THSD7B: variants seen among roughly 807,000 people sequenced by gnomAD.
THSD7B encodes thrombospondin type 1 domain containing 7B.
Under a neutral mutation model 213.6 loss-of-function variants are expected in THSD7B, and 138 were observed. The observed-to-expected ratio is 0.65, with a 90% CI of 0.56 to 0.74. The LOEUF is 0.74. Among genes scored for constraint, THSD7B ranks in the 30% least tolerant of loss-of-function variants. The probability of loss-of-function intolerance (pLI) is 0.00; values close to 1 mark genes in which losing one functional copy is unlikely to be tolerated. For missense variants in THSD7B, 1,931 were observed against 1,991.5 expected (o/e 0.97, Z 0.58); for synonymous variants, 742 against 687.0 (o/e 1.08, Z -1.25).
chr2:137,154,647 G>A (rs1363263695), intron 5 of THSD7B, among the ~76,000 whole-genome samples: 5 of 151,620 alleles, frequency 3.3e-5, no homozygotes, highest in Non-Finnish European at 5.9e-5. Context: ...CTTATTTCTC[G>A]GTTAATTCAA....
chr2:137,297,217 G>A (rs894503795), intron 12 of THSD7B, among the ~76,000 whole-genome samples: 33 of 148,744 alleles, frequency 2.2e-4, no homozygotes, highest in Admixed American at 1.8e-3. Flanking sequence ...TGAAGAGTTC[G>A]AGGCTTCACT....
chr2:137,494,273 CA>C (rs1208982945), intron 15 of THSD7B, among the ~76,000 whole-genome samples: 1 of 152,056 alleles, frequency 6.6e-6, no homozygotes, highest in Non-Finnish European at 1.5e-5. Flanking sequence ...TTAACATCTT[CA>C]TTTTTATAAA....
At chr2:137,220,949 T>TTA (rs1179516182) in intron 7 of THSD7B, among the ~76,000 whole-genome samples, 1 of 152,126 alleles carries the variant, frequency 6.6e-6, no homozygotes, top group East Asian at 1.9e-4. Context: ...GCATCATTTT[T>TTA]TATATATATG....
chr2:137,249,773 A>G lies in THSD7B; in HGVS notation c.2266+7201A>G, dbSNP rs973510424. ...CTGGCTCTAGGGCTTATCTGTTTTT[A>G]TCCCACGACAACGAGCTACTTGCTA... On this transcript the variant is annotated intron_variant, in intron 10 of 27. Transcript: ENST00000409968. Among the ~76,000 whole-genome samples, 12 of 152,310 alleles carry G rather than the reference A, an allele frequency of 7.9e-5. No individual in the cohort carries two copies. The South Asian group carries it at 1.9e-3, about 24-fold the overall frequency.
At chr2:137,587,171 T>C (rs550674811) in intron 17 of THSD7B, among the ~76,000 whole-genome samples, 2 of 152,336 alleles carry the variant, frequency 1.3e-5, no homozygotes, top group African/African-American at 4.8e-5. Context: ...TCTCGTGCCA[T>C]GGTTTTCACC....
At chr2:137,359,654 A>T (rs1410818974) in intron 12 of THSD7B, among the ~76,000 whole-genome samples, 3 of 152,150 alleles carry the variant, frequency 2.0e-5, no homozygotes, top group African/African-American at 4.8e-5. Flanking sequence ...ATGATAGGCT[A>T]CTGTAACCTT....
At chr2:136,855,440 T>A (rs1361858366) in intron 1 of THSD7B, among the ~76,000 whole-genome samples, 1 of 152,018 alleles carries the variant, frequency 6.6e-6, no homozygotes, top group African/African-American at 2.4e-5. Flanking sequence ...TCTCTCTTTT[T>A]TTTGAGACAG....
At chr2:137,310,776 G>A (rs1029521567) in intron 12 of THSD7B, among the ~76,000 whole-genome samples, 2 of 151,840 alleles carry the variant, frequency 1.3e-5, no homozygotes, top group African/African-American at 4.8e-5. Flanking sequence ...TTTCCCCATT[G>A]CTTGTTTTTC....
intron 12 of THSD7B, among the ~76,000 whole-genome samples, chr2:137,319,651 CAACTT>C (rs1684220409): frequency 1.3e-5 from 2 of 152,188 alleles, no homozygotes; most frequent in South Asian, 4.1e-4. Context: ...AAGCTCTACT[CAACTT>C]ATCAGTTCAG....
chr2:136,798,685 C>T (rs1398965854), intron 1 of THSD7B, among the ~76,000 whole-genome samples: 4 of 151,938 alleles, frequency 2.6e-5, no homozygotes, highest in African/African-American at 9.7e-5. Context: ...TCCAAACTGG[C>T]CAGTAAACAT....
chr2:137,608,555 C>T (rs1330768991), intron 17 of THSD7B, among the ~76,000 whole-genome samples: 1 of 152,164 alleles, frequency 6.6e-6, no homozygotes, highest in Non-Finnish European at 1.5e-5. Context: ...ATTAAAAGTA[C>T]ACCTAGCTCG....
chr2:137,067,049 G>A (rs756715409), intron 3 of THSD7B, among the ~76,000 whole-genome samples: 4 of 151,856 alleles, frequency 2.6e-5, no homozygotes, highest in Non-Finnish European at 1.5e-5. Context: ...TCTTTGTTAG[G>A]GTTTCCATCT....
intron 1 of THSD7B, among the ~76,000 whole-genome samples, chr2:136,819,045 C>CT (rs1203660808): frequency 6.6e-6 from 1 of 152,178 alleles, no homozygotes; most frequent in East Asian, 1.9e-4. Flanking sequence ...GTAAAACGAA[C>CT]TGAGCGGCTC....
At chr2:137,515,804 G>A (rs1460784036) in intron 15 of THSD7B, among the ~76,000 whole-genome samples, 4 of 152,196 alleles carry the variant, frequency 2.6e-5, no homozygotes, top group Non-Finnish European at 4.4e-5. Context: ...TTGGTTTAAT[G>A]TAGAGGAAGG....
intron 20 of THSD7B, among the ~76,000 whole-genome samples, chr2:137,638,446 G>C (rs767484996): frequency 6.6e-6 from 1 of 152,138 alleles, no homozygotes; most frequent in Non-Finnish European, 1.5e-5. Flanking sequence ...CCCCAGCCAC[G>C]TGGAACTGTA....
At chr2:137,401,634 CTTTTTTT>C (rs35834967) in intron 12 of THSD7B, among the ~76,000 whole-genome samples, 12 of 132,686 alleles carry the variant, frequency 9.0e-5, no homozygotes, top group African/African-American at 3.1e-4. Context: ...TTCTTTCTTT[CTTTTTTT>C]TTTTTTTTTT....
intron 15 of THSD7B, among the ~76,000 whole-genome samples, chr2:137,476,381 A>G (rs1328511100): frequency 6.6e-6 from 1 of 152,010 alleles, no homozygotes; most frequent in Non-Finnish European, 1.5e-5. Context: ...GTTACTCATA[A>G]AATCTTTGCC....
At chr2:137,335,323 T>C (rs897627298) in intron 12 of THSD7B, among the ~76,000 whole-genome samples, 2 of 152,184 alleles carry the variant, frequency 1.3e-5, no homozygotes, top group Non-Finnish European at 2.9e-5. Flanking sequence ...CACTGACTGT[T>C]AGTTATAAGT....
intron 12 of THSD7B, among the ~76,000 whole-genome samples, chr2:137,283,800 C>G (rs1040596114): frequency 1.3e-5 from 2 of 152,108 alleles, no homozygotes; most frequent in Non-Finnish European, 2.9e-5. Flanking sequence ...ATTCGGTTTG[C>G]CAGTATTTTA....
Sources: allele counts gnomAD v4.1 joint callset (sites outside exome capture counted in the v4.1 genomes callset), GRCh38; gene constraint gnomAD v4.1.1; transcripts MANE v1.5; gene names NCBI Gene and HGNC (gene_info 2026-07-23, HGNC 2026-07-21).